The following MYH10 variants were observed in gnomAD, a reference collection of about 807,000 sequenced individuals.
MYH10 encodes the protein myosin heavy chain 10, also known as myosin-10.
In MYH10, 55 loss-of-function variants were observed where a neutral mutation model predicts 257.8. The observed-to-expected ratio is 0.21, with a 90% CI of 0.17 to 0.27. The LOEUF (loss-of-function observed/expected upper bound fraction) is 0.27, where lower values mean the gene tolerates loss of function less well. MYH10 is among the 10% of genes least tolerant of loss of function. MYH10 has a pLI of 1.00. For missense variants in MYH10, 1,631 were observed against 2,500.6 expected (o/e 0.65, Z 7.42); for synonymous variants, 854 against 921.7 (o/e 0.93, Z 1.33).
chr17:8,629,000 T>C (rs1193261409), intron 1 of MYH10, among the ~76,000 whole-genome samples: 1 of 152,140 alleles, frequency 6.6e-6, no homozygotes, highest in African/African-American at 2.4e-5. Context: ...GGGGAAGAAC[T>C]GAATTTAAGA....
At chr17:8,520,283 T>C (rs938406435) in intron 19 of MYH10, among the ~76,000 whole-genome samples, 5 of 152,180 alleles carry the variant, frequency 3.3e-5, no homozygotes, top group Non-Finnish European at 7.4e-5. Context: ...GATCACGAGG[T>C]CAGGAGATCG....
intron 40 of MYH10, 95 bp downstream of exon 40, chr17:8,480,015 C>T (rs1456181829): frequency 9.8e-6 from 12 of 1,220,798 alleles, no homozygotes; most frequent in South Asian, 9.6e-5. Flanking sequence ...TCTCTGCCCA[C>T]GTGGTGGGGA....
intron 36 of MYH10, among the ~76,000 whole-genome samples, chr17:8,486,079 C>T (rs1256425186): frequency 1.3e-5 from 2 of 152,116 alleles, no homozygotes; most frequent in African/African-American, 4.8e-5. Context: ...TCACAAAAGG[C>T]CACATATTGT....
At chr17:8,559,112 A>G (rs1463760326) in intron 7 of MYH10, among the ~76,000 whole-genome samples, 2 of 152,156 alleles carry the variant, frequency 1.3e-5, no homozygotes, top group Non-Finnish European at 2.9e-5. Context: ...ATAATTCTTA[A>G]GTTTGAGAAA....
Position 8,493,871 on chromosome 17 carries a change from C to T in MYH10, c.4071G>A (p.Glu1357=). 1.9e-6 allele frequency: 3 copies of T among 1,600,714 alleles called. No individual in the cohort carries two copies. The highest frequency in any genetic ancestry group is 2.6e-6 in the Non-Finnish European group (3 of 1,175,910). The change falls in exon 32 of 43, where the codon GAG becomes GAA. Residue 1357 remains glutamate, a synonymous_variant. Transcript: ENST00000360416. Reference sequence around the variant, plus strand: ...TCAGGTTTAGTTTCTGGCGTGTCTCCTCCTGAAGAAGCTCCTGTGTTTTTT... The same window carrying T: ...TCAGGTTTAGTTTCTGGCGTGTCTCTTCCTGAAGAAGCTCCTGTGTTTTTT... ...QLQDTQELLQ[E]ETRQKLNLSS...
intron 2 of MYH10, 108 bp from the exon 3 acceptor site, chr17:8,605,090 C>A: frequency 3.5e-6 from 2 of 564,690 alleles, no homozygotes; most frequent in East Asian, 6.7e-5. Context: ...GAGATCTTTA[C>A]CTTTTGGATA....
intron 11 of MYH10, 28 bp downstream of exon 11, chr17:8,548,285 G>A: frequency 6.5e-7 from 1 of 1,545,076 alleles, no homozygotes; most frequent in South Asian, 1.1e-5. Context: ...CATCGAAACA[G>A]AAATAAAGTC....
intron 1 of MYH10, among the ~76,000 whole-genome samples, chr17:8,627,531 C>T (rs1050379834): frequency 6.6e-6 from 1 of 152,192 alleles, no homozygotes; most frequent in Non-Finnish European, 1.5e-5. Context: ...TACCAGAGGG[C>T]TTTGCAGCTG....
At chr17:8,485,984 TACTC>T (rs1284664128) in intron 36 of MYH10, among the ~76,000 whole-genome samples, 2 of 152,216 alleles carry the variant, frequency 1.3e-5, no homozygotes, top group African/African-American at 2.4e-5. Flanking sequence ...AGTAGAGTGT[TACTC>T]AGTAATAAAA....
At chr17:8,571,152 C>A (rs1324687976) in intron 6 of MYH10, among the ~76,000 whole-genome samples, 2 of 150,038 alleles carry the variant, frequency 1.3e-5, no homozygotes, top group African/African-American at 4.9e-5. Context: ...AAAACCCTTA[C>A]CAGACTATTT....
intron 6 of MYH10, among the ~76,000 whole-genome samples, chr17:8,574,376 G>A (rs984766675): frequency 3.3e-5 from 5 of 152,220 alleles, no homozygotes; most frequent in African/African-American, 1.2e-4. Context: ...CAGGGGCTGA[G>A]GGGAAATGGC....
Position 8,554,005 on chromosome 17 carries a change from C to T in MYH10, c.770G>A (p.Arg257Gln), listed in dbSNP as rs766277962. The change falls in exon 8 of 43, where the codon CGG (arginine) becomes CAG (glutamine). Residue 257 changes from arginine to glutamine, a missense_variant. Around this residue, in one of 11 missense-constraint regions of MYH10, gnomAD observed 360 missense variants for 581.9 expected, o/e 0.62. Transcript: ENST00000360416. ...ATAGCCAGTTACATCAAAGTTGATC[C>T]GAATAAATTTGCCCTGAAAATAAAT... ...DNSSRFGKFI[R>Q]INFDVTGYIV... 10 of 1,611,922 alleles carry T rather than the reference C, an allele frequency of 6.2e-6. No individual in the cohort carries two copies. Among genetic ancestry groups the T allele is most frequent in the South Asian group, 2.2e-5 (2 of 90,934 alleles).
chr17:8,530,585 C>T (rs1174782536), intron 17 of MYH10, 38 bp downstream of exon 17: 3 of 1,485,260 alleles, frequency 2.0e-6, no homozygotes, highest in South Asian at 2.5e-5. Flanking sequence ...GCTTAAAACC[C>T]TTCTGTTTTG....
chr17:8,625,998 C>A (rs961140888), intron 1 of MYH10, among the ~76,000 whole-genome samples: 5 of 152,150 alleles, frequency 3.3e-5, no homozygotes, highest in African/African-American at 1.2e-4. Context: ...AGGTTATAGA[C>A]TTGGATAAAA....
chr17:8,518,519 T>G (rs2081548818), intron 21 of MYH10, 112 bp downstream of exon 21: 2 of 1,175,568 alleles, frequency 1.7e-6, no homozygotes, highest in Admixed American at 4.7e-5. Flanking sequence ...TAAAGCAACT[T>G]CTGTAAGGAC....
chr17:8,546,602 A>T lies in MYH10; in HGVS notation c.1220T>A (p.Leu407Gln), dbSNP rs2082451876. The T allele has an allele frequency of 1.9e-6, 3 of 1,614,156 alleles. No individual in the cohort carries two copies. The highest frequency in any genetic ancestry group is 2.5e-6 in the Non-Finnish European group (3 of 1,180,016). Residue 407 changes from leucine to glutamine, a missense_variant, in exon 12 of 43, where the codon CTG becomes CAG. Physicochemically the swap from Leu to Gln is moderately radical, Grantham distance 113 (BLOSUM62 -2). Transcript: ENST00000360416. Reference sequence around the variant, plus strand: ...TCGGCCGACCTTGATCCGGGGAGTCAGGATGGCCCGAGTAAACTCCATCAC... The same window carrying T: ...TCGGCCGACCTTGATCCGGGGAGTCTGGATGGCCCGAGTAAACTCCATCAC... Reference protein sequence around the residue: ...MNVMEFTRAILTPRIKVGRDY... With the variant: ...MNVMEFTRAIQTPRIKVGRDY...
chr17:8,560,032 G>T (rs2082934416), intron 7 of MYH10, among the ~76,000 whole-genome samples: 1 of 151,880 alleles, frequency 6.6e-6, no homozygotes, highest in South Asian at 2.1e-4. Flanking sequence ...AAAATCATAT[G>T]GTATCACCTA....
intron 16 of MYH10, among the ~76,000 whole-genome samples, chr17:8,532,415 G>A (rs2082030059): frequency 6.6e-6 from 1 of 152,204 alleles, no homozygotes; most frequent in South Asian, 2.1e-4. Context: ...TTTCCTCTAA[G>A]CATTTCTGTA....
intron 2 of MYH10, among the ~76,000 whole-genome samples, chr17:8,616,504 GAAT>G (rs1220088967): frequency 6.6e-6 from 1 of 151,392 alleles, no homozygotes. Context: ...TATACCATAT[GAAT>G]AATAAGGGAA....
Sources: allele counts gnomAD v4.1 joint callset (sites outside exome capture counted in the v4.1 genomes callset), GRCh38; gene constraint gnomAD v4.1.1; regional missense constraint gnomAD v4.1.1; transcripts MANE v1.5; gene names NCBI Gene and HGNC (gene_info 2026-07-23, HGNC 2026-07-21).